ANKRD27: variants seen among roughly 807,000 people sequenced by gnomAD.
The protein encoded by ANKRD27 is ankyrin repeat domain-containing protein 27.
Under a neutral mutation model 129.7 loss-of-function variants are expected in ANKRD27, and 112 were observed. That is an observed-to-expected ratio of 0.86 (90% CI 0.74 to 1.01). The LOEUF (loss-of-function observed/expected upper bound fraction) is 1.01. Ranked by LOEUF, ANKRD27 falls within the 50% of genes least tolerant of loss-of-function variation. The pLI is 0.00. For synonymous variants in ANKRD27, 516 were observed against 511.2 expected (o/e 1.01, Z -0.13); for missense variants, 1,258 against 1,300.5 (o/e 0.97, Z 0.50).
intron 2 of ANKRD27, among the ~76,000 whole-genome samples, chr19:32,652,569 C>T (rs752447406): frequency 6.6e-6 from 1 of 151,832 alleles, no homozygotes; most frequent in Non-Finnish European, 1.5e-5. Flanking sequence ...GAGCGAAACT[C>T]CATCCCGGGG....
chr19:32,643,851 C>T, intron 5 of ANKRD27: 1 of 569,472 alleles, frequency 1.8e-6, no homozygotes, highest in Non-Finnish European at 3.1e-6. Flanking sequence ...CATTGTTATA[C>T]TTCCCCATGA....
chr19:32,606,336 T>C (rs917570529), intron 23 of ANKRD27, among the ~76,000 whole-genome samples: 1 of 152,082 alleles, frequency 6.6e-6, no homozygotes, highest in Non-Finnish European at 1.5e-5. Context: ...GTATTTTCAG[T>C]AGAGACGGGG....
At chr19:32,635,698 T>A (rs533416697) in intron 12 of ANKRD27, among the ~76,000 whole-genome samples, 1 of 152,122 alleles carries the variant, frequency 6.6e-6, no homozygotes, top group South Asian at 2.1e-4. Flanking sequence ...GCCAGCCACA[T>A]CCGAGATGCG....
At chr19:32,643,872 T>TCA in intron 5 of ANKRD27, 1 of 547,270 alleles carries the variant, frequency 1.8e-6, no homozygotes. Context: ...CTTTACCACT[T>TCA]GGTTTGTTTT....
At chr19:32,613,603 C>T (rs551353871) in intron 22 of ANKRD27, among the ~76,000 whole-genome samples, 19 of 152,206 alleles carry the variant, frequency 1.2e-4, no homozygotes, top group South Asian at 8.3e-4. Context: ...AATGCCACCC[C>T]GCCATGGAGA....
chr19:32,642,036 G>A lies in ANKRD27; in HGVS notation c.892C>T (p.Pro298Ser), dbSNP rs571683025. 3.2e-5 allele frequency: 52 copies of A among 1,600,112 alleles called. No individual in the cohort carries two copies. In the South Asian group the frequency reaches 5.0e-4, roughly 15 times the overall value. Residue 298 changes from proline (P) to serine (S), a missense_variant, in exon 10 of 29, where the codon CCA becomes TCA. Transcript: ENST00000306065. ...TCCAAGCACAAACCTCTCTGGCTTG[G>A]AGACTGTGTAATGAGCTGCACCACT... ...RKVVQLITQS[P>S]SQRVNLETMC...
chr19:32,643,655 C>T (rs780620446), intron 5 of ANKRD27, 24 bp from the exon 6 acceptor site: 8 of 1,613,380 alleles, frequency 5.0e-6, no homozygotes, highest in Non-Finnish European at 6.8e-6. Context: ...AGCAGAGGGA[C>T]AGGCCACCCT....
At chr19:32,644,278 T>C (rs1967258382) in intron 5 of ANKRD27, 47 bp downstream of exon 5, 1 of 1,594,492 alleles carries the variant, frequency 6.3e-7, no homozygotes, top group African/African-American at 1.3e-5. Flanking sequence ...CACCCTGCAC[T>C]GAACCGAGAC....
rs147241840 is a variant in ANKRD27, at chr19:32,611,166, C to T, written c.2176-3334G>A. 3.9e-3 allele frequency among the ~76,000 whole-genome samples: 586 copies of T among 152,150 alleles called. 4 individuals are homozygous for T. Among genetic ancestry groups the T allele is most frequent in the African/African-American group, 0.01 (428 of 41,498 alleles). On this transcript the variant is annotated intron_variant, in intron 22 of 28. Transcript: ENST00000306065. ...CCTAAGACTTCACCCAATTGAGTTC[C>T]ACAGTATTTTACTGTGTAATTAAAG...
intron 21 of ANKRD27, among the ~76,000 whole-genome samples, chr19:32,616,486 G>A (rs775311372): frequency 2.0e-5 from 3 of 150,876 alleles, no homozygotes; most frequent in Non-Finnish European, 4.4e-5. Flanking sequence ...CCAGGAGGTG[G>A]AGGTTGCAGT....
chr19:32,657,805 T>C (rs746543819), intron 2 of ANKRD27, among the ~76,000 whole-genome samples: 32 of 151,444 alleles, frequency 2.1e-4, no homozygotes, highest in Non-Finnish European at 4.3e-4. Flanking sequence ...TGAAACTCCA[T>C]CTCTAGTAAA....
At chr19:32,658,060 G>A (rs1231359198) in intron 2 of ANKRD27, among the ~76,000 whole-genome samples, 1 of 152,168 alleles carries the variant, frequency 6.6e-6, no homozygotes, top group African/African-American at 2.4e-5. Context: ...GCCACACTCA[G>A]CTAACCTGAC....
At chr19:32,627,506 C>A (rs888641519) in intron 15 of ANKRD27, among the ~76,000 whole-genome samples, 1 of 151,770 alleles carries the variant, frequency 6.6e-6, no homozygotes, top group Admixed American at 6.6e-5. Context: ...TCAAGCAATT[C>A]TTCTGACTCA....
At chr19:32,656,083 G>GA (rs1555747095) in intron 2 of ANKRD27, among the ~76,000 whole-genome samples, 30 of 118,540 alleles carry the variant, frequency 2.5e-4, no homozygotes, top group African/African-American at 6.2e-4. Context: ...AAGAAAGAAA[G>GA]AAAGAAAGAA....
rs747893701 is a variant in ANKRD27, at chr19:32,658,957, C to T, written c.59G>A (p.Cys20Tyr). Residue 20 changes from cysteine to tyrosine, a missense_variant, in exon 2 of 29, where the codon TGC (cysteine) becomes TAC (tyrosine). Transcript: ENST00000306065. Reference sequence around the variant, plus strand: ...CACTTTGCTGCACAAGTCAGGGCGGCACTTTTGCAGAGCCAGATAGAAAGG... The same window carrying T: ...CACTTTGCTGCACAAGTCAGGGCGGTACTTTTGCAGAGCCAGATAGAAAGG... Reference protein sequence around the residue: ...KNPFYLALQKCRPDLCSKVAQ... With the variant: ...KNPFYLALQKYRPDLCSKVAQ... 7.4e-6 allele frequency: 12 copies of T among 1,614,058 alleles called. No homozygotes were observed. The Admixed American group carries it at 1.0e-4, about 13-fold the overall frequency.
At position 32,650,892 on chromosome 19, in the gene ANKRD27, G is replaced by A. The variant is rs1967404264; in HGVS notation, c.103-1100C>T. 2.0e-5 allele frequency among the ~76,000 whole-genome samples: 3 copies of A among 146,386 alleles called. No homozygotes were observed. In the South Asian group the frequency reaches 6.6e-4, roughly 32 times the overall value. On this transcript the variant is annotated intron_variant, in intron 2 of 28. Transcript: ENST00000306065. Reference sequence around the variant, plus strand: ...GCCTCGTAAGTAACTGGGACAACAGGTGCACACAACCATGACCAGCATTTT... The same window carrying A: ...GCCTCGTAAGTAACTGGGACAACAGATGCACACAACCATGACCAGCATTTT...
rs1967760722 is a variant in ANKRD27, at chr19:32,666,631, TC to T, written c.-30-7587del. Among the ~76,000 whole-genome samples, 3 of 139,058 alleles carry T rather than the reference TC, an allele frequency of 2.2e-5. No homozygotes were observed. In the South Asian group the frequency reaches 7.1e-4, roughly 33 times the overall value. The allele number at this position is 139,058 out of a possible 152,430, so 91.2% of individuals were successfully genotyped here. A position where few individuals can be genotyped will look rare whatever the true frequency, so the allele number is the denominator to read the frequency against. Reference sequence around the variant, plus strand: ...TACAAAATGGGCACAGAAAAGGAAATCAGATTTCTATTTTTTTTTTTTTTTT... The same window carrying T: ...TACAAAATGGGCACAGAAAAGGAAATAGATTTCTATTTTTTTTTTTTTTTT... On this transcript the variant is annotated intron_variant, in intron 1 of 28. Transcript: ENST00000306065.
chr19:32,655,454 T>C (rs936862782), intron 2 of ANKRD27: 1 of 152,358 alleles, frequency 6.6e-6, no homozygotes, highest in African/African-American at 2.4e-5. Context: ...GGGGCAACCC[T>C]GGATGGCACA....
At chr19:32,632,670 T>C (rs7250780) in intron 12 of ANKRD27, among the ~76,000 whole-genome samples, 21,703 of 151,702 alleles carry the variant, frequency 0.14, 2,713 homozygotes, top group African/African-American at 0.34. Context: ...AGTTCAATGC[T>C]TCCTTGAGCA....
Sources: gnomAD v4.1 joint callset for allele counts (sites outside exome capture counted in the v4.1 genomes callset) on GRCh38, gnomAD v4.1.1 for gene constraint, MANE v1.5 for transcripts, NCBI Gene and HGNC (gene_info 2026-07-23, HGNC 2026-07-21) for gene names.